Variants in PTGER3 observed in about 807,000 individuals in gnomAD.
PTGER3 encodes the protein prostaglandin E2 receptor EP3 subtype.
PTGER3 carries 22 observed loss-of-function variants against 34.7 expected under a neutral mutation model. The observed-to-expected ratio is 0.63, with a 90% confidence interval of 0.45 to 0.91. The LOEUF (loss-of-function observed/expected upper bound fraction) is 0.91. PTGER3 is among the 40% of genes least tolerant of loss of function. PTGER3 has a pLI of 0.00. For missense variants in PTGER3, 468 were observed against 519.4 expected (o/e 0.90, Z 0.96); for synonymous variants, 241 against 230.1 (o/e 1.05, Z -0.43).
At chr1:71,024,901 A>T (rs1572962883) in intron 1 of PTGER3, among the ~76,000 whole-genome samples, 1 of 79,456 alleles carries the variant, frequency 1.3e-5, no homozygotes. Context: ...TTATTTATTT[A>T]TTTATTTATT....
chr1:70,970,976 A>T lies in PTGER3; in HGVS notation c.*754T>A. On this transcript the variant is annotated 3_prime_UTR_variant, in exon 4 of 4. Coordinates refer to ENST00000306666, the MANE Select transcript of PTGER3 (RefSeq NM_198719.2). ...TCAGAAGGCCTACCTGGATTTTTTT[A>T]TCACTCTAACTGCGCAGCTAATCAT... 1 of 985,374 alleles carries T rather than the reference A, an allele frequency of 1.0e-6. No homozygotes were observed. Among genetic ancestry groups the T allele is most frequent in the Non-Finnish European group, 1.2e-6 (1 of 829,916 alleles). 61.0% of individuals were successfully genotyped at this position (985,374 alleles called of 1,614,324 possible). A position where few individuals can be genotyped will look rare whatever the true frequency, so the allele number is the denominator to read the frequency against.
At chr1:71,009,238 G>C in intron 2 of PTGER3, 1 of 985,136 alleles carries the variant, frequency 1.0e-6, no homozygotes, top group South Asian at 4.7e-5. Context: ...ATGCCAATGT[G>C]CTCACAGGAT....
At chr1:71,016,460 G>T (rs1657905570) in intron 1 of PTGER3, among the ~76,000 whole-genome samples, 1 of 152,080 alleles carries the variant, frequency 6.6e-6, no homozygotes, top group Admixed American at 6.6e-5. Flanking sequence ...TGGAATTACT[G>T]CTATTTAACA....
chr1:70,903,013 C>G (rs1028633130), intron 4 of PTGER3, among the ~76,000 whole-genome samples: 1 of 152,148 alleles, frequency 6.6e-6, no homozygotes. Flanking sequence ...ATGAAAAGAT[C>G]ATCTAGGATT....
chr1:70,957,812 A>C (rs958682288), intron 2 of PTGER3, among the ~76,000 whole-genome samples: 1 of 152,186 alleles, frequency 6.6e-6, no homozygotes, highest in Admixed American at 6.5e-5. Flanking sequence ...GTATAATTTA[A>C]CGTTGCAGCA....
At chr1:71,045,791 A>G (rs1479979742) in intron 1 of PTGER3, among the ~76,000 whole-genome samples, 1 of 151,948 alleles carries the variant, frequency 6.6e-6, no homozygotes. Flanking sequence ...GATCCCACTG[A>G]CTGTCGTTCG....
intron 4 of PTGER3, among the ~76,000 whole-genome samples, chr1:70,905,953 C>G (rs548248566): frequency 1.3e-5 from 2 of 152,100 alleles, no homozygotes; most frequent in Non-Finnish European, 2.9e-5. Flanking sequence ...ATGGGAAGAA[C>G]CTGGTGGGAG....
At position 70,856,614 on chromosome 1, in the gene PTGER3, T is replaced by G. The variant is rs192409152; in HGVS notation, c.*24-3755A>C. Among the ~76,000 whole-genome samples, 554 of 152,278 alleles carry G rather than the reference T, an allele frequency of 3.6e-3. 4 individuals carry two copies. Among genetic ancestry groups the G allele is most frequent in the African/African-American group, 0.013 (536 of 41,556 alleles). On this transcript the variant is annotated intron_variant, in intron 4 of 4. Transcript: ENST00000370931. ...TTATACCAACTCTTTATTATGGGCTTTTTCCCATTTTTTTAAGGTTAGAAG... is the reference window on the plus strand; with the variant it reads ...TTATACCAACTCTTTATTATGGGCTGTTTCCCATTTTTTTAAGGTTAGAAG...
intron 4 of PTGER3, among the ~76,000 whole-genome samples, chr1:70,856,437 T>G (rs1015406720): frequency 1.0e-5 from 1 of 99,710 alleles, no homozygotes; most frequent in African/African-American, 3.8e-5. Flanking sequence ...TGAAACTTCA[T>G]CTCAAAAAAA....
chr1:70,971,820 T>A (rs1273334493), intron 3 of PTGER3, 87 bp from the exon 4 acceptor site: 19 of 849,082 alleles, frequency 2.2e-5, no homozygotes, highest in African/African-American at 3.5e-5. Flanking sequence ...GAGTAAAATA[T>A]AAGTAATAAA....
At chr1:71,043,083 C>T (rs1048381688) in intron 1 of PTGER3, among the ~76,000 whole-genome samples, 4 of 152,190 alleles carry the variant, frequency 2.6e-5, no homozygotes, top group African/African-American at 4.8e-5. Flanking sequence ...TTCCTTTGAA[C>T]AAAATCCTAA....
intron 1 of PTGER3, among the ~76,000 whole-genome samples, chr1:71,032,434 A>T (rs1659490571): frequency 6.6e-6 from 1 of 152,266 alleles, no homozygotes; most frequent in Non-Finnish European, 1.5e-5. Flanking sequence ...AAGATGATGT[A>T]TTCAGTAAAA....
chr1:70,920,797 T>G (rs987840348), intron 4 of PTGER3, among the ~76,000 whole-genome samples: 1 of 152,218 alleles, frequency 6.6e-6, no homozygotes, highest in African/African-American at 2.4e-5. Context: ...TGTTCATATT[T>G]TATTAGTGAC....
intron 2 of PTGER3, among the ~76,000 whole-genome samples, chr1:70,988,852 T>C (rs1193169833): frequency 6.6e-6 from 1 of 152,118 alleles, no homozygotes; most frequent in Non-Finnish European, 1.5e-5. Context: ...CTTAAAGTAA[T>C]GTGAAGAGAA....
rs2100675543 is a variant in PTGER3 at position 70,971,402 on chromosome 1, T to C, written c.*328A>G. ...ATGTCCACTTTGGTTAAGATTCACG[T>C]AAAGGTTTGAAGTTGGAGAAAACTC... On this transcript the variant is annotated 3_prime_UTR_variant, in exon 4 of 4. Coordinates refer to ENST00000306666, the MANE Select transcript of PTGER3 (RefSeq NM_198719.2). 1 of 1,059,386 alleles carries C rather than the reference T, an allele frequency of 9.4e-7. No individual in the cohort carries two copies. The highest frequency in any genetic ancestry group is 1.7e-5 in the African/African-American group (1 of 60,110). 65.6% of individuals were successfully genotyped at this position (1,059,386 alleles called of 1,614,324 possible). A position where few individuals can be genotyped will look rare whatever the true frequency, so the allele number is the denominator to read the frequency against.
At chr1:70,866,259 G>T (rs756587283) in intron 4 of PTGER3, among the ~76,000 whole-genome samples, 1 of 152,150 alleles carries the variant, frequency 6.6e-6, no homozygotes, top group Non-Finnish European at 1.5e-5. Flanking sequence ...TTCCTCAGAA[G>T]AGCCACTGCA....
chr1:70,897,889 A>G (rs1424478373), intron 4 of PTGER3, among the ~76,000 whole-genome samples: 1 of 152,168 alleles, frequency 6.6e-6, no homozygotes, highest in East Asian at 1.9e-4. Flanking sequence ...TTCTTCAAAG[A>G]AAAAGGCTGC....
Position 70,871,180 on chromosome 1 carries a change from C to G in PTGER3, c.*24-18321G>C, listed in dbSNP as rs577475287. Among the ~76,000 whole-genome samples, 6 of 152,186 alleles carry G rather than the reference C, an allele frequency of 3.9e-5. No homozygotes were observed. In the South Asian group the frequency reaches 1.2e-3, roughly 32 times the overall value. On this transcript the variant is annotated intron_variant, in intron 4 of 4. Coordinates refer to the PTGER3 transcript ENST00000370931. ...GGCATCTGTTTGGCTTTTGGGGAGG[C>G]CTCAGGGAGCTTTTACTCATGGTGG...
At chr1:71,010,357 C>A in intron 2 of PTGER3, 1 of 984,820 alleles carries the variant, frequency 1.0e-6, no homozygotes, top group Non-Finnish European at 1.2e-6. Context: ...TGGCATGAAG[C>A]ACTTCAATCA....
Sources: gnomAD v4.1 joint callset for allele counts (sites outside exome capture counted in the v4.1 genomes callset) on GRCh38, gnomAD v4.1.1 for gene constraint, MANE v1.5 for transcripts, NCBI Gene and HGNC (gene_info 2026-07-23, HGNC 2026-07-21) for gene names.